Variants in DRD2 observed in about 807,000 individuals in gnomAD.
DRD2 encodes the protein D(2) dopamine receptor.
Under a neutral mutation model 38.0 loss-of-function variants are expected in DRD2, and 8 were observed. The ratio of observed to expected loss-of-function variants is 0.21; its 90% CI spans 0.12 to 0.38. The LOEUF (loss-of-function observed/expected upper bound fraction) is 0.38. DRD2 is among the 10% of genes least tolerant of loss of function. The probability of loss-of-function intolerance (pLI) is 1.00; values close to 1 mark genes in which losing one functional copy is unlikely to be tolerated. For missense variants in DRD2, 403 were observed against 607.7 expected (o/e 0.66, Z 3.54); for synonymous variants, 230 against 238.6 (o/e 0.96, Z 0.33).
chr11:113,447,380 T>C (rs1951161713), intron 1 of DRD2, among the ~76,000 whole-genome samples: 2 of 151,944 alleles, frequency 1.3e-5, no homozygotes, highest in African/African-American at 4.8e-5. Context: ...CACACCCCTG[T>C]TACACAGAAT....
At chr11:113,414,171 C>T in intron 6 of DRD2, 1 of 655,034 alleles carries the variant, frequency 1.5e-6, no homozygotes, top group Non-Finnish European at 2.8e-6. Flanking sequence ...TTTTCTCGTA[C>T]ACATCCATGC....
At chr11:113,432,282 CTCTCTT>C (rs559055355) in intron 1 of DRD2, among the ~76,000 whole-genome samples, 2,039 of 76,768 alleles carry the variant, frequency 0.027, 53 homozygotes, top group African/African-American at 0.085. Context: ...TTCTCTGATC[CTCTCTT>C]TCTCTCTCTC....
intron 1 of DRD2, among the ~76,000 whole-genome samples, chr11:113,473,259 C>A (rs563105759): frequency 6.6e-6 from 1 of 152,288 alleles, no homozygotes; most frequent in Non-Finnish European, 1.5e-5. Context: ...TACAGACTCT[C>A]TAAGGAGTCT....
intron 1 of DRD2, among the ~76,000 whole-genome samples, chr11:113,474,755 G>T (rs905813880): frequency 6.6e-6 from 1 of 152,024 alleles, no homozygotes; most frequent in Admixed American, 6.5e-5. Flanking sequence ...CCGATGCCGC[G>T]GCTCCGCCGT....
chr11:113,463,283 T>C (rs1399194989), intron 1 of DRD2, among the ~76,000 whole-genome samples: 5 of 152,162 alleles, frequency 3.3e-5, no homozygotes, highest in Non-Finnish European at 7.3e-5. Flanking sequence ...GCTGGTTAAA[T>C]TGGGGAAACT....
At chr11:113,419,862 C>A (rs1950869107) in intron 2 of DRD2, among the ~76,000 whole-genome samples, 1 of 152,216 alleles carries the variant, frequency 6.6e-6, no homozygotes, top group Non-Finnish European at 1.5e-5. Context: ...GCAGAAACAG[C>A]AGCTTGCCCC....
rs117757923 is a variant in DRD2, at chr11:113,424,922, T to G, written c.-31-240A>C. On this transcript the variant is annotated intron_variant, in intron 1 of 7. Transcript: ENST00000362072. Reference sequence around the variant, plus strand: ...TTAAAAATGCATAATAAGATGAGCTTGAACAGAGCTGATCCATCATTTATT... The same window carrying G: ...TTAAAAATGCATAATAAGATGAGCTGGAACAGAGCTGATCCATCATTTATT... The G allele has an allele frequency of 7.2e-3, 3,768 of 524,912 alleles. 20 individuals are homozygous for G. The highest frequency in any genetic ancestry group is 0.014 in the South Asian group (689 of 48,264). 32.5% of individuals were successfully genotyped at this position (524,912 alleles called of 1,614,324 possible).
In DRD2 at chr11:113,470,471, C is replaced by T. The variant is rs181185238; in HGVS notation, c.-32+4605G>A. On this transcript the variant is annotated intron_variant, in intron 1 of 7. Transcript: ENST00000362072. ...GCCAGGTCTGCCTGACTTCCCTTAC[C>T]GCCCTCTGTCTGGAAGCAAGCTGAC... is the stretch of plus-strand genomic sequence containing the variant. Among the ~76,000 whole-genome samples, 27 of 152,298 alleles carry T rather than the reference C, an allele frequency of 1.8e-4. 1 individual carries two copies. The East Asian group carries it at 3.7e-3, about 21-fold the overall frequency.
At chr11:113,423,231 A>C (rs1003960872) in intron 2 of DRD2, among the ~76,000 whole-genome samples, 2 of 152,174 alleles carry the variant, frequency 1.3e-5, no homozygotes, top group Non-Finnish European at 2.9e-5. Context: ...GAAGAAAGGC[A>C]ACTTCTCCAA....
intron 1 of DRD2, among the ~76,000 whole-genome samples, chr11:113,435,209 AGGAAGGG>A (rs1951024202): frequency 6.6e-6 from 1 of 152,114 alleles, no homozygotes; most frequent in Non-Finnish European, 1.5e-5. Context: ...CAGTGAATGC[AGGAAGGG>A]GTGTCTGCCT....
intron 1 of DRD2, among the ~76,000 whole-genome samples, chr11:113,429,162 G>A (rs1370408949): frequency 6.6e-6 from 1 of 152,188 alleles, no homozygotes; most frequent in Non-Finnish European, 1.5e-5. Context: ...GAAAAAAAAG[G>A]GAAAACATGG....
intron 1 of DRD2, among the ~76,000 whole-genome samples, chr11:113,466,436 C>CG: frequency 8.3e-5 from 1 of 12,032 alleles, no homozygotes; most frequent in East Asian, 9.8e-3. Context: ...CCCCCCAGTG[C>CG]ATTTTCTCCA....
intron 6 of DRD2, chr11:113,413,716 T>C (rs759224574): frequency 2.3e-5 from 5 of 221,716 alleles, no homozygotes; most frequent in Non-Finnish European, 3.7e-5. Flanking sequence ...TCTGGCCCTG[T>C]TCTCCATCCC....
At chr11:113,435,337 G>T (rs1039180498) in intron 1 of DRD2, among the ~76,000 whole-genome samples, 7 of 152,106 alleles carry the variant, frequency 4.6e-5, no homozygotes, top group South Asian at 2.1e-4. Context: ...GTGTGGGGGG[G>T]GGTGGGGGAG....
At chr11:113,426,690 TCCTACCAA>T (rs1431430187) in intron 1 of DRD2, among the ~76,000 whole-genome samples, 6 of 152,184 alleles carry the variant, frequency 3.9e-5, no homozygotes, top group Non-Finnish European at 8.8e-5. Flanking sequence ...ATGGATCATG[TCCTACCAA>T]CCACCATCAC....
intron 1 of DRD2, among the ~76,000 whole-genome samples, chr11:113,462,453 G>C (rs904197715): frequency 2.0e-5 from 3 of 152,174 alleles, no homozygotes; most frequent in African/African-American, 7.2e-5. Flanking sequence ...GAAGCAGAGA[G>C]GAGACAGAGA....
At chr11:113,413,370 C>A (rs769959070) in intron 6 of DRD2, 23 of 522,154 alleles carry the variant, frequency 4.4e-5, no homozygotes, top group Admixed American at 1.4e-4. Context: ...CCATATTCTC[C>A]TGGATAGACT....
At chr11:113,457,581 C>G (rs1951279271) in intron 1 of DRD2, among the ~76,000 whole-genome samples, 1 of 152,124 alleles carries the variant, frequency 6.6e-6, no homozygotes, top group African/African-American at 2.4e-5. Context: ...TACCACCCCC[C>G]CGACCCCCCA....
chr11:113,428,224 T>C (rs1469782923), intron 1 of DRD2, among the ~76,000 whole-genome samples: 1 of 152,106 alleles, frequency 6.6e-6, no homozygotes, highest in East Asian at 1.9e-4. Flanking sequence ...GGGAATGCTC[T>C]CAGGATCAAG....
Sources: gnomAD v4.1 joint callset for allele counts (sites outside exome capture counted in the v4.1 genomes callset) on GRCh38, gnomAD v4.1.1 for gene constraint, MANE v1.5 for transcripts, NCBI Gene and HGNC (gene_info 2026-07-23, HGNC 2026-07-21) for gene names.